MBP: variants seen among roughly 807,000 people sequenced by gnomAD.
The protein encoded by MBP is myelin basic protein, also known as Golli-MBP.
MBP carries 16 observed loss-of-function variants against 35.8 expected under a neutral mutation model. The ratio of observed to expected loss-of-function variants is 0.45; its 90% CI spans 0.30 to 0.68. MBP has a LOEUF of 0.68. MBP is among the 30% of genes least tolerant of loss of function. The pLI, the probability that MBP is intolerant of heterozygous loss-of-function variation, is 0.08. For synonymous variants in MBP, 143 were observed against 159.6 expected (o/e 0.90, Z 0.78); for missense variants, 380 against 404.7 (o/e 0.94, Z 0.52).
intron 2 of MBP, among the ~76,000 whole-genome samples, chr18:77,081,084 G>C (rs979635196): frequency 6.6e-6 from 1 of 152,186 alleles, no homozygotes; most frequent in Non-Finnish European, 1.5e-5. Context: ...TAATTTGAAA[G>C]AAGGGACAAC....
At chr18:77,100,702 GCAC>G (rs1171473443) in intron 2 of MBP, among the ~76,000 whole-genome samples, 3 of 152,048 alleles carry the variant, frequency 2.0e-5, no homozygotes, top group African/African-American at 7.2e-5. Context: ...TAGGTGCACA[GCAC>G]CATGCCCAGC....
chr18:76,985,909 C>T, intron 7 of MBP: 1 of 986,612 alleles, frequency 1.0e-6, no homozygotes, highest in Non-Finnish European at 1.2e-6. Context: ...CCAGCAGCCC[C>T]TCTGGCTTCC....
chr18:77,009,757 G>A, intron 4 of MBP: 2 of 1,173,496 alleles, frequency 1.7e-6, no homozygotes, highest in Non-Finnish European at 2.4e-6. Context: ...CCCTGGCAGT[G>A]ACACTACCTG....
intron 3 of MBP, among the ~76,000 whole-genome samples, chr18:77,039,459 C>T (rs1212659788): frequency 1.3e-5 from 2 of 152,128 alleles, no homozygotes; most frequent in South Asian, 2.1e-4. Flanking sequence ...TTAAAGTATG[C>T]ATTTGGTTTT....
At chr18:77,035,518 G>A (rs773259477) in intron 3 of MBP, among the ~76,000 whole-genome samples, 4 of 152,210 alleles carry the variant, frequency 2.6e-5, no homozygotes, top group Non-Finnish European at 5.9e-5. Flanking sequence ...GCTGAGGAAG[G>A]CCAGTGCTCT....
intron 3 of MBP, among the ~76,000 whole-genome samples, chr18:77,034,816 G>A (rs1013211718): frequency 3.3e-5 from 5 of 152,190 alleles, no homozygotes; most frequent in Non-Finnish European, 5.9e-5. Context: ...CTTCAGCTTC[G>A]GTGGGCGACG....
At chr18:76,987,984 A>G (rs1242516631) in intron 7 of MBP, 13 of 1,258,020 alleles carry the variant, frequency 1.0e-5, no homozygotes, top group Non-Finnish European at 1.3e-5. Flanking sequence ...AACACATACA[A>G]AACAAAAATC....
chr18:77,097,956 A>ACCCTGGGAAGTGGGGAAGGACAC (rs1975831344), intron 2 of MBP, among the ~76,000 whole-genome samples: 1 of 151,874 alleles, frequency 6.6e-6, no homozygotes, highest in Non-Finnish European at 1.5e-5. Context: ...GCTTGTCTCA[A>ACCCTGGGAAGTGGGGAAGGACAC]CCCTGGGAAG....
At chr18:77,075,771 A>T (rs781608495) in intron 2 of MBP, among the ~76,000 whole-genome samples, 2 of 152,222 alleles carry the variant, frequency 1.3e-5, no homozygotes, top group Non-Finnish European at 2.9e-5. Flanking sequence ...TGCACACCGC[A>T]CTAATGGGGA....
chr18:77,119,378 C>A (rs1976818595), intron 1 of MBP, among the ~76,000 whole-genome samples: 1 of 152,118 alleles, frequency 6.6e-6, no homozygotes, highest in Admixed American at 6.5e-5. Context: ...CCATGGTGTC[C>A]CCAGGACCTA....
chr18:77,080,936 A>G (rs931853375), intron 2 of MBP, among the ~76,000 whole-genome samples: 1 of 151,988 alleles, frequency 6.6e-6, no homozygotes, highest in African/African-American at 2.4e-5. Context: ...ACCCGCCTCA[A>G]CCTCCCAAAG....
intron 2 of MBP, among the ~76,000 whole-genome samples, chr18:77,092,218 T>C (rs963108763): frequency 2.6e-5 from 4 of 152,246 alleles, no homozygotes; most frequent in Non-Finnish European, 4.4e-5. Context: ...GCGCCTCACA[T>C]AGGCCCAGGG....
At chr18:77,038,787 A>T (rs1972872887) in intron 3 of MBP, among the ~76,000 whole-genome samples, 1 of 152,222 alleles carries the variant, frequency 6.6e-6, no homozygotes, top group Non-Finnish European at 1.5e-5. Context: ...AATTAATATG[A>T]TGTGTGCTCT....
At position 77,066,400 on chromosome 18, in the gene MBP, C is replaced by T. The variant is rs1974201005; in HGVS notation, c.52-15G>A. On this transcript the variant is annotated splice_polypyrimidine_tract_variant and intron_variant, in intron 2 of 8. Coordinates refer to ENST00000355994, the MANE Select transcript of MBP (RefSeq NM_001025101.2). Reference sequence around the variant, plus strand: ...GTTTCACTATTCTGGAAAAAGAAAACACAACAAACCCTTTTCTTAAGATAA... The same window carrying T: ...GTTTCACTATTCTGGAAAAAGAAAATACAACAAACCCTTTTCTTAAGATAA... 4.2e-6 allele frequency: 6 copies of T among 1,440,040 alleles called. No individual in the cohort carries two copies. The South Asian group carries it at 6.9e-5, about 17-fold the overall frequency. The allele number at this position is 1,440,040 out of a possible 1,614,324, so 89.2% of individuals were successfully genotyped here. A position where few individuals can be genotyped will look rare whatever the true frequency, so the allele number is the denominator to read the frequency against.
intron 4 of MBP, among the ~76,000 whole-genome samples, chr18:76,997,775 C>T (rs939333200): frequency 4.0e-5 from 6 of 151,104 alleles, no homozygotes; most frequent in South Asian, 4.2e-4. Context: ...CTCCGCCTCC[C>T]GGGTTCACGC....
chr18:77,052,928 C>T (rs1209807592), intron 3 of MBP, among the ~76,000 whole-genome samples: 3 of 152,234 alleles, frequency 2.0e-5, no homozygotes, highest in East Asian at 1.9e-4. Context: ...TCCTAACCTA[C>T]TCCCTCCTGT....
chr18:77,090,909 G>A (rs1975491928), intron 2 of MBP, among the ~76,000 whole-genome samples: 1 of 152,204 alleles, frequency 6.6e-6, no homozygotes, highest in Non-Finnish European at 1.5e-5. Flanking sequence ...GGGCCGGACG[G>A]GGCAGAAGGG....
intron 7 of MBP, chr18:76,987,328 T>C (rs143631503): frequency 0.02 from 20,010 of 985,470 alleles, 229 homozygotes; most frequent in Non-Finnish European, 0.022. Context: ...CTAGTCCATG[T>C]ACATTTGCTA....
chr18:77,024,672 C>T (rs966431875), intron 3 of MBP, among the ~76,000 whole-genome samples: 4 of 152,234 alleles, frequency 2.6e-5, no homozygotes, highest in South Asian at 4.1e-4. Flanking sequence ...GTCGTGGCAG[C>T]GCCAGGGCCT....
Sources: gnomAD v4.1 joint callset for allele counts (sites outside exome capture counted in the v4.1 genomes callset) on GRCh38, gnomAD v4.1.1 for gene constraint, MANE v1.5 for transcripts, NCBI Gene and HGNC (gene_info 2026-07-23, HGNC 2026-07-21) for gene names.